Variants in RANBP9 observed in about 807,000 individuals in gnomAD.
RANBP9 encodes the protein ran-binding protein 9.
RANBP9 carries 15 observed loss-of-function variants against 84.3 expected under a neutral mutation model. That is an observed-to-expected ratio of 0.18 (90% confidence interval 0.12 to 0.27). RANBP9 has a LOEUF of 0.27. Among genes scored for constraint, RANBP9 ranks in the 10% least tolerant of loss-of-function variants. The pLI is 1.00. For synonymous variants in RANBP9, 392 were observed against 349.6 expected, an observed-to-expected ratio of 1.12 and a Z score of -1.35; for missense variants, 809 against 912.8, an observed-to-expected ratio of 0.89 and a Z score of 1.46.
At chr6:13,679,454 GTTAA>G (rs1179134709) in intron 2 of RANBP9, among the ~76,000 whole-genome samples, 12 of 152,250 alleles carry the variant, frequency 7.9e-5, no homozygotes, top group Middle Eastern at 3.4e-3. Context: ...TCCATCTGTA[GTTAA>G]CTACTACAAC....
intron 1 of RANBP9, among the ~76,000 whole-genome samples, chr6:13,704,109 G>T (rs204221): frequency 0.94 from 142,724 of 152,272 alleles, 67,009 homozygotes; most frequent in East Asian, 1. Context: ...CCTTTCTCTG[G>T]CCTTACCACT....
chr6:13,670,570 G>A (rs888843914), intron 2 of RANBP9, among the ~76,000 whole-genome samples: 1 of 152,136 alleles, frequency 6.6e-6, no homozygotes, highest in Non-Finnish European at 1.5e-5. Flanking sequence ...GCTGAGGCAG[G>A]CAGATCACGA....
At chr6:13,656,958 T>C in intron 4 of RANBP9, 151 bp downstream of exon 4, 1 of 689,788 alleles carries the variant, frequency 1.4e-6, no homozygotes, top group Admixed American at 3.2e-5. Flanking sequence ...ATATTCACCA[T>C]TTCCTCAGCT....
Position 13,632,489 on chromosome 6 carries a change from A to T in RANBP9, c.1828T>A (p.Cys610Ser), listed in dbSNP as rs1157142571. 1 of 1,613,848 alleles carries T rather than the reference A, an allele frequency of 6.2e-7. No homozygotes were observed. The highest frequency in any genetic ancestry group is 8.5e-7 in the Non-Finnish European group (1 of 1,179,790). ...TCTATGGCGGCCTGACTTCCTCCAC[A>T]CAACTGGCGTCTCAACTGACTTGAA... ...VDSSQLRRQLCGGSQAAIERM... is the reference protein window; with the variant it reads ...VDSSQLRRQLSGGSQAAIERM... Residue 610 changes from cysteine (C) to serine (S), a missense_variant, in exon 12 of 14, where the codon TGT becomes AGT. Physicochemically the swap from Cys to Ser is moderately radical, Grantham distance 112 (BLOSUM62 -1). Coordinates refer to ENST00000011619, the MANE Select transcript of RANBP9 (RefSeq NM_005493.3).
At chr6:13,643,552 A>G (rs781241569) in intron 6 of RANBP9, among the ~76,000 whole-genome samples, 4 of 152,158 alleles carry the variant, frequency 2.6e-5, no homozygotes, top group Non-Finnish European at 5.9e-5. Context: ...TTTAAGGGGG[A>G]GGGGACCTTT....
At chr6:13,672,958 G>A (rs899868717) in intron 2 of RANBP9, among the ~76,000 whole-genome samples, 1 of 151,764 alleles carries the variant, frequency 6.6e-6, no homozygotes, top group Non-Finnish European at 1.5e-5. Flanking sequence ...ATGCTAGAAG[G>A]AGAAGAAACA....
At chr6:13,648,318 T>A (rs1012745816) in intron 5 of RANBP9, among the ~76,000 whole-genome samples, 4 of 151,996 alleles carry the variant, frequency 2.6e-5, no homozygotes, top group Admixed American at 2.6e-4. Flanking sequence ...TGGCTAATTT[T>A]TGTATTTTTA....
intron 12 of RANBP9, among the ~76,000 whole-genome samples, chr6:13,628,862 C>T (rs1477917754): frequency 6.6e-6 from 1 of 152,194 alleles, no homozygotes; most frequent in African/African-American, 2.4e-5. Flanking sequence ...TACATTCCTT[C>T]ATTACTGCTG....
chr6:13,674,203 A>C (rs1483377024), intron 2 of RANBP9, among the ~76,000 whole-genome samples: 1 of 152,196 alleles, frequency 6.6e-6, no homozygotes, highest in Admixed American at 6.5e-5. Flanking sequence ...GAATCATCTA[A>C]ATATACCAAT....
rs951563372 is a variant in RANBP9, at chr6:13,690,198, C to T, written c.683+6587G>A. On this transcript the variant is annotated intron_variant, in intron 2 of 13. Transcript: ENST00000011619. ...ATTGAGTTTCTACTAAATGTCAGGT[C>T]CTCTAGTAAGAACTATGAATAAGAC... 1.2e-4 allele frequency among the ~76,000 whole-genome samples: 18 copies of T among 152,248 alleles called. No individual in the cohort carries two copies. The East Asian group carries it at 3.5e-3, about 29-fold the overall frequency.
chr6:13,632,515 T>C lies in RANBP9; in HGVS notation c.1802A>G (p.Asp601Gly), dbSNP rs1216946748. The C allele has an allele frequency of 6.2e-7, 1 of 1,612,538 alleles. No homozygotes were observed. The highest frequency in any genetic ancestry group is 1.1e-5 in the South Asian group (1 of 91,006). Residue 601 changes from aspartate to glycine, a missense_variant, in exon 12 of 14, where the codon GAT (aspartate) becomes GGT (glycine). Transcript: ENST00000011619. Reference protein sequence around the residue: ...MEDCDTEMEVDSSQLRRQLCG... With the variant: ...MEDCDTEMEVGSSQLRRQLCG... ...CAACTGGCGTCTCAACTGACTTGAATCAACTTCTGTAAGAAAAACAGACAA... is the reference window on the plus strand; with the variant it reads ...CAACTGGCGTCTCAACTGACTTGAACCAACTTCTGTAAGAAAAACAGACAA...
chr6:13,675,783 CTAT>C (rs891139127), intron 2 of RANBP9, among the ~76,000 whole-genome samples: 2 of 150,018 alleles, frequency 1.3e-5, no homozygotes, highest in African/African-American at 4.9e-5. Context: ...ACATAAGAAA[CTAT>C]TATTATCAGT....
intron 12 of RANBP9, among the ~76,000 whole-genome samples, chr6:13,629,917 CTCTCGTGTGT>C (rs1764730668): frequency 8.0e-6 from 1 of 124,444 alleles, no homozygotes; most frequent in Non-Finnish European, 1.7e-5. Flanking sequence ...CTCTCTCTCT[CTCTCGTGTGT>C]GTGTGTGTGT....
At chr6:13,675,088 A>AT (rs1765859229) in intron 2 of RANBP9, among the ~76,000 whole-genome samples, 1 of 152,218 alleles carries the variant, frequency 6.6e-6, no homozygotes, top group African/African-American at 2.4e-5. Context: ...CAACACCCCT[A>AT]TATCAACAAC....
Position 13,711,056 on chromosome 6 carries a change from C to A in RANBP9, c.450G>T (p.Arg150=), listed in dbSNP as rs1464781419. ...CCACGGCCGGGTAGAGACGCTTCAG[C>A]CGCCGCTGCAACTCCTTCTCCTGCT... ...LNEQEKELQR[R]LKRLYPAVDE... The change falls in exon 1 of 14, where the codon CGG becomes CGT. Residue 150 remains arginine, a synonymous_variant. Coordinates refer to ENST00000011619, the MANE Select transcript of RANBP9 (RefSeq NM_005493.3). The A allele has an allele frequency of 2.5e-6, 4 of 1,586,292 alleles. No individual in the cohort carries two copies. Among genetic ancestry groups the A allele is most frequent in the Non-Finnish European group, 3.4e-6 (4 of 1,166,858 alleles).
chr6:13,634,403 T>TA, intron 11 of RANBP9, 28 bp downstream of exon 11: 4 of 1,602,794 alleles, frequency 2.5e-6, no homozygotes, highest in East Asian at 2.2e-5. Context: ...CATTTTTTAT[T>TA]AAAAATGTAA....
intron 8 of RANBP9, among the ~76,000 whole-genome samples, chr6:13,640,805 C>T (rs1482223252): frequency 2.6e-5 from 4 of 151,924 alleles, no homozygotes; most frequent in African/African-American, 9.7e-5. Context: ...GTTCTGGAGT[C>T]GGATGGTGGT....
chr6:13,678,457 G>T (rs1226309715), intron 2 of RANBP9, among the ~76,000 whole-genome samples: 1 of 152,194 alleles, frequency 6.6e-6, no homozygotes, highest in African/African-American at 2.4e-5. Flanking sequence ...GCTCACAGGA[G>T]CATGTCTTCC....
chr6:13,631,712 C>G (rs1764786833), intron 12 of RANBP9, among the ~76,000 whole-genome samples: 1 of 152,194 alleles, frequency 6.6e-6, no homozygotes, highest in African/African-American at 2.4e-5. Context: ...TGTTAAAGAG[C>G]TGTACATCTC....
Sources: allele counts gnomAD v4.1 joint callset (sites outside exome capture counted in the v4.1 genomes callset), GRCh38; gene constraint gnomAD v4.1.1; transcripts MANE v1.5; gene names NCBI Gene and HGNC (gene_info 2026-07-23, HGNC 2026-07-21).